The following CAST variants were observed in gnomAD, a reference collection of about 807,000 sequenced individuals.
The protein encoded by CAST is calpastatin, also known as MIR583 host.
Under a neutral mutation model 119.6 loss-of-function variants are expected in CAST, and 76 were observed. The ratio of observed to expected loss-of-function variants is 0.64; its 90% CI spans 0.53 to 0.77. CAST has a LOEUF of 0.77. Among genes scored for constraint, CAST ranks in the 30% least tolerant of loss-of-function variants. The pLI, the probability that CAST is intolerant of heterozygous loss-of-function variation, is 0.00. For missense variants in CAST, 953 were observed against 946.5 expected, an observed-to-expected ratio of 1.01 and a Z score of -0.09; for synonymous variants, 319 against 331.6, an observed-to-expected ratio of 0.96 and a Z score of 0.41.
At chr5:96,589,977 G>A (rs527637106) in intron 1 of CAST, among the ~76,000 whole-genome samples, 23 of 152,336 alleles carry the variant, frequency 1.5e-4, no homozygotes, top group Admixed American at 1.0e-3. Context: ...TATTTCATAT[G>A]TGAAACTGAA....
intron 1 of CAST, among the ~76,000 whole-genome samples, chr5:96,604,885 T>A (rs1477560313): frequency 6.6e-6 from 1 of 152,142 alleles, no homozygotes; most frequent in Non-Finnish European, 1.5e-5. Context: ...CAGAGAAGAC[T>A]AGAGGAAGGA....
At chr5:96,231,885 C>T in the CAST span, among the ~76,000 whole-genome samples, 4 of 151,964 alleles carry the variant, frequency 2.6e-5, no homozygotes, top group East Asian at 1.9e-4. Flanking sequence ...AGGAGATTAC[C>T]GGTAGGTTTT....
chr5:96,461,265 G>A, the CAST span, among the ~76,000 whole-genome samples: 13 of 152,198 alleles, frequency 8.5e-5, no homozygotes, highest in Non-Finnish European at 2.9e-5. Context: ...TTCATCAGCT[G>A]ATGAACATTT....
chr5:95,967,062 G>T, the CAST span, among the ~76,000 whole-genome samples: 1 of 152,156 alleles, frequency 6.6e-6, no homozygotes, highest in Non-Finnish European at 1.5e-5. Context: ...GGTAAAGAGT[G>T]ACCTAACAAC....
chr5:96,046,240 A>T, the CAST span, among the ~76,000 whole-genome samples: 2 of 152,166 alleles, frequency 1.3e-5, no homozygotes, highest in Non-Finnish European at 2.9e-5. Context: ...ACACACATCC[A>T]ATAATATATA....
chr5:96,604,091 G>C (rs1747209442), intron 1 of CAST, among the ~76,000 whole-genome samples: 1 of 152,040 alleles, frequency 6.6e-6, no homozygotes, highest in Non-Finnish European at 1.5e-5. Context: ...TATATGACTG[G>C]TAAGGCAGCA....
the CAST span, among the ~76,000 whole-genome samples, chr5:96,436,315 C>T: frequency 5.3e-5 from 8 of 152,106 alleles, no homozygotes; most frequent in African/African-American, 1.9e-4. Context: ...CTGTATGGAG[C>T]TGGGTGAAGA....
the CAST span, among the ~76,000 whole-genome samples, chr5:96,256,221 T>C: frequency 7.1e-3 from 1,056 of 148,348 alleles, 10 homozygotes; most frequent in African/African-American, 0.025. Context: ...TACATATATA[T>C]TATATAAACA....
the CAST span, among the ~76,000 whole-genome samples, chr5:96,068,569 C>T: frequency 2.0e-5 from 3 of 148,712 alleles, no homozygotes; most frequent in South Asian, 4.3e-4. Context: ...CAGGGTTCTT[C>T]AGAGAAACAG....
chr5:96,286,454 A>G, the CAST span, among the ~76,000 whole-genome samples: 1 of 152,202 alleles, frequency 6.6e-6, no homozygotes, highest in African/African-American at 2.4e-5. Context: ...AAATGTTAAA[A>G]GAATCAATAG....
At chr5:96,621,195 G>C (rs1747597305) in intron 1 of CAST, among the ~76,000 whole-genome samples, 1 of 152,192 alleles carries the variant, frequency 6.6e-6, no homozygotes, top group Non-Finnish European at 1.5e-5. Context: ...TCTTGTAGAA[G>C]AAAGGTTTTG....
chr5:96,491,660 C>T, the CAST span, among the ~76,000 whole-genome samples: 1 of 151,834 alleles, frequency 6.6e-6, no homozygotes, highest in Non-Finnish European at 1.5e-5. Context: ...TAATTCCATC[C>T]CTAGATATAT....
intron 1 of CAST, among the ~76,000 whole-genome samples, chr5:96,576,902 G>A (rs1746682933): frequency 6.6e-6 from 1 of 152,024 alleles, no homozygotes; most frequent in Non-Finnish European, 1.5e-5. Context: ...GTGTGCCATG[G>A]TGGTTTGCTG....
chr5:96,091,504 C>CTTTTTT, the CAST span, among the ~76,000 whole-genome samples: 1 of 98,538 alleles, frequency 1.0e-5, no homozygotes. Flanking sequence ...CATGCCTGGC[C>CTTTTTT]TTTTTTTTTT....
the CAST span, among the ~76,000 whole-genome samples, chr5:96,471,680 A>T: frequency 6.6e-6 from 1 of 152,022 alleles, no homozygotes; most frequent in East Asian, 1.9e-4. Flanking sequence ...TCTTATTTCA[A>T]ACAAAAACAA....
the CAST span, among the ~76,000 whole-genome samples, chr5:96,200,144 A>T: frequency 6.6e-6 from 1 of 152,100 alleles, no homozygotes; most frequent in African/African-American, 2.4e-5. Context: ...GCCCGTGTGA[A>T]TGGGAAGTTT....
chr5:96,193,837 T>C, the CAST span, among the ~76,000 whole-genome samples: 5 of 152,342 alleles, frequency 3.3e-5, no homozygotes, highest in African/African-American at 1.2e-4. Flanking sequence ...TGCATCCAGA[T>C]GAAGGGGTTG....
At chr5:96,261,150 A>T in the CAST span, among the ~76,000 whole-genome samples, 1 of 152,164 alleles carries the variant, frequency 6.6e-6, no homozygotes, top group African/African-American at 2.4e-5. Flanking sequence ...GATGATTCTC[A>T]TCTTCCTTGT....
At chr5:96,573,005 G>A (rs762539221) in intron 1 of CAST, among the ~76,000 whole-genome samples, 3 of 152,218 alleles carry the variant, frequency 2.0e-5, no homozygotes, top group Admixed American at 1.3e-4. Context: ...AGTGTTGACA[G>A]GAAGAAGTTA....
Sources: gnomAD v4.1 joint callset for allele counts (sites outside exome capture counted in the v4.1 genomes callset) on GRCh38, gnomAD v4.1.1 for gene constraint, MANE v1.5 for transcripts, NCBI Gene and HGNC (gene_info 2026-07-23, HGNC 2026-07-21) for gene names.